TNKS: variants seen among roughly 807,000 people sequenced by gnomAD.
TNKS encodes the protein tankyrase.
TNKS carries 72 observed loss-of-function variants against 135.8 expected under a neutral mutation model. The ratio of observed to expected loss-of-function variants is 0.53; its 90% CI spans 0.44 to 0.64. The LOEUF (loss-of-function observed/expected upper bound fraction) is 0.64. TNKS is among the 30% of genes least tolerant of loss of function. TNKS has a pLI of 0.00. For synonymous variants in TNKS, 849 were observed against 649.3 expected (o/e 1.31, Z -4.68); for missense variants, 1,769 against 1,674.0 (o/e 1.06, Z -0.99).
intron 11 of TNKS, among the ~76,000 whole-genome samples, chr8:9,711,177 C>T (rs1163883168): frequency 6.6e-6 from 1 of 151,986 alleles, no homozygotes; most frequent in African/African-American, 2.4e-5. Context: ...TGGAAAAATC[C>T]TAGCATTTCA....
intron 26 of TNKS, among the ~76,000 whole-genome samples, chr8:9,771,291 GGGA>G (rs981756760): frequency 7.8e-5 from 11 of 141,768 alleles, no homozygotes; most frequent in Non-Finnish European, 1.1e-4. Flanking sequence ...GAGGAAGGGA[GGGA>G]GGAGAGAGGA....
chr8:9,626,693 C>A (rs1419211322), intron 3 of TNKS, among the ~76,000 whole-genome samples: 1 of 152,116 alleles, frequency 6.6e-6, no homozygotes, highest in Non-Finnish European at 1.5e-5. Context: ...ACACTGCCAC[C>A]TTACAGTCAG....
In TNKS at chr8:9,653,955, T is replaced by C. The variant is rs1261967426; in HGVS notation, c.995-25996T>C. 2.0e-5 allele frequency among the ~76,000 whole-genome samples: 3 copies of C among 152,194 alleles called. No homozygotes were observed. In the East Asian group the frequency reaches 5.8e-4, roughly 29 times the overall value. On this transcript the variant is annotated intron_variant, in intron 3 of 26. Coordinates refer to ENST00000310430, the MANE Select transcript of TNKS (RefSeq NM_003747.3). ...CCATTTCCTGTCTGCATCTGCATGG[T>C]TTTTGTTTCCTTAGGCTCTTCATGG... is the stretch of plus-strand genomic sequence containing the variant.
chr8:9,746,687 C>T (rs1806252496), intron 17 of TNKS, among the ~76,000 whole-genome samples: 1 of 152,084 alleles, frequency 6.6e-6, no homozygotes, highest in South Asian at 2.1e-4. Flanking sequence ...CCCCAGTCCT[C>T]AGCCCTCCAT....
chr8:9,610,224 C>G (rs1387483327), intron 2 of TNKS, among the ~76,000 whole-genome samples: 3 of 151,918 alleles, frequency 2.0e-5, no homozygotes, highest in African/African-American at 7.3e-5. Context: ...AATACATTAG[C>G]TTGACTACTT....
chr8:9,651,735 G>A (rs973861560), intron 3 of TNKS, among the ~76,000 whole-genome samples: 1 of 152,150 alleles, frequency 6.6e-6, no homozygotes, highest in Admixed American at 6.5e-5. Flanking sequence ...TGTGGTATGG[G>A]CTTGCATAAG....
At position 9,620,305 on chromosome 8, in the gene TNKS, G is replaced by T. The variant is rs189596655; in HGVS notation, c.994+4628G>T. On this transcript the variant is annotated intron_variant, in intron 3 of 26. Coordinates refer to ENST00000310430, the MANE Select transcript of TNKS (RefSeq NM_003747.3). ...AACCTATCAGTAATTCAGGTCTACC[G>T]TACTTTCAAATTCCCAATCTGACCG... Among the ~76,000 whole-genome samples the T allele has an allele frequency of 1.2e-4, 19 of 152,142 alleles. 2 individuals are homozygous for T. Among genetic ancestry groups the T allele is most frequent in the African/African-American group, 4.1e-4 (17 of 41,502 alleles).
At chr8:9,676,686 CTGTG>C (rs147459978) in intron 3 of TNKS, among the ~76,000 whole-genome samples, 22 of 147,880 alleles carry the variant, frequency 1.5e-4, no homozygotes, top group East Asian at 1.2e-3. Flanking sequence ...CTCTCTCTCT[CTGTG>C]TGTGTGTGTG....
chr8:9,758,223 G>T (rs557595254), intron 20 of TNKS, among the ~76,000 whole-genome samples: 113 of 152,300 alleles, frequency 7.4e-4, no homozygotes, highest in African/African-American at 2.6e-3. Context: ...AACAAATATT[G>T]TGTGGATGGT....
At chr8:9,675,987 T>C (rs941575921) in intron 3 of TNKS, among the ~76,000 whole-genome samples, 15 of 151,882 alleles carry the variant, frequency 9.9e-5, no homozygotes, top group Non-Finnish European at 1.5e-4. Flanking sequence ...TGCATAATGG[T>C]TGAAAGAGAA....
At chr8:9,765,847 G>C (rs1221201058) in intron 24 of TNKS, 50 bp downstream of exon 24, 1 of 1,469,626 alleles carries the variant, frequency 6.8e-7, no homozygotes, top group Non-Finnish European at 9.5e-7. Context: ...CTTTGCAGGA[G>C]TCAGTAAAGG....
chr8:9,595,237 C>T (rs1396081558), intron 2 of TNKS, among the ~76,000 whole-genome samples: 2 of 151,926 alleles, frequency 1.3e-5, no homozygotes, highest in East Asian at 1.9e-4. Context: ...TCTCCTGGCT[C>T]AGCCTCCTGA....
chr8:9,672,722 A>C (rs543318717), intron 3 of TNKS, among the ~76,000 whole-genome samples: 31 of 146,058 alleles, frequency 2.1e-4, no homozygotes, highest in Admixed American at 5.5e-4. Flanking sequence ...AAAAAAAAAA[A>C]AACAAACTAA....
rs187303532 is a variant in TNKS, at chr8:9,571,031, T to C, written c.674-9128T>C. On this transcript the variant is annotated intron_variant, in intron 1 of 26. Coordinates refer to ENST00000310430, the MANE Select transcript of TNKS (RefSeq NM_003747.3). ...GGAGGTAGATTTTGTTTTTTAAAAA[T>C]TACATTCGGGGGCATTTTGCTGCAT... Among the ~76,000 whole-genome samples the C allele has an allele frequency of 7.9e-5, 12 of 152,266 alleles. No homozygotes were observed. The East Asian group carries it at 2.1e-3, about 27-fold the overall frequency.
chr8:9,606,329 T>G (rs1799219770), intron 2 of TNKS, among the ~76,000 whole-genome samples: 2 of 152,102 alleles, frequency 1.3e-5, no homozygotes, highest in South Asian at 2.1e-4. Flanking sequence ...TACCCAAGTC[T>G]GAATAACATA....
Position 9,765,755 on chromosome 8 carries a change from G to C in TNKS, c.3511G>C (p.Glu1171Gln), listed in dbSNP as rs1435544345. 6.2e-7 allele frequency: 1 copy of C among 1,614,030 alleles called. No individual in the cohort carries two copies. The highest frequency in any genetic ancestry group is 1.1e-5 in the South Asian group (1 of 91,084). ...CTGCCACCGACAGAAGGAAGTGTCT[G>C]AGGAGAATCACAACCATCACAATGA... ...RFCHRQKEVSEENHNHHNERM... is the reference protein window; with the variant it reads ...RFCHRQKEVSQENHNHHNERM... The change falls in exon 24 of 27, where the codon GAG becomes CAG. Residue 1171 changes from glutamate to glutamine, a missense_variant. Transcript: ENST00000310430.
chr8:9,644,729 T>A (rs1392473525), intron 3 of TNKS, among the ~76,000 whole-genome samples: 3 of 152,186 alleles, frequency 2.0e-5, no homozygotes, highest in Non-Finnish European at 2.9e-5. Context: ...AAATATGAAA[T>A]TATATACAGA....
At chr8:9,603,012 A>G (rs560674975) in intron 2 of TNKS, among the ~76,000 whole-genome samples, 1 of 152,180 alleles carries the variant, frequency 6.6e-6, no homozygotes, top group East Asian at 1.9e-4. Flanking sequence ...TATATTAAAC[A>G]TTTACCAATA....
intron 14 of TNKS, among the ~76,000 whole-genome samples, chr8:9,731,741 C>A (rs1014162971): frequency 7.2e-5 from 11 of 152,120 alleles, no homozygotes; most frequent in Admixed American, 7.2e-4. Context: ...TTAATAGTCT[C>A]ATTCTTTTAA....
Sources: allele counts gnomAD v4.1 joint callset (sites outside exome capture counted in the v4.1 genomes callset), GRCh38; gene constraint gnomAD v4.1.1; transcripts MANE v1.5; gene names NCBI Gene and HGNC (gene_info 2026-07-23, HGNC 2026-07-21).